Variants in CAMK2D observed in about 807,000 individuals in gnomAD.
The protein encoded by CAMK2D is calcium/calmodulin dependent protein kinase II delta.
CAMK2D carries 37 observed loss-of-function variants against 84.0 expected under a neutral mutation model. The observed-to-expected ratio is 0.44, with a 90% CI of 0.34 to 0.58. The LOEUF is 0.58. Among genes scored for constraint, CAMK2D ranks in the 20% least tolerant of loss-of-function variants. The probability of loss-of-function intolerance (pLI) is 0.02; values close to 1 mark genes in which losing one functional copy is unlikely to be tolerated. For missense variants in CAMK2D, 448 were observed against 652.5 expected (o/e 0.69, Z 3.41); for synonymous variants, 202 against 212.5 (o/e 0.95, Z 0.43).
chr4:113,660,856 C>T (rs996921151), intron 3 of CAMK2D, among the ~76,000 whole-genome samples: 4 of 146,544 alleles, frequency 2.7e-5, no homozygotes, highest in African/African-American at 1.0e-4. Context: ...AGTGCAGTGG[C>T]GCAATCTCAG....
At chr4:113,673,451 T>C (rs950635722) in intron 2 of CAMK2D, among the ~76,000 whole-genome samples, 20 of 152,162 alleles carry the variant, frequency 1.3e-4, no homozygotes, top group Non-Finnish European at 2.9e-5. Flanking sequence ...CAAGGCAATG[T>C]AATCCCAAAA....
intron 2 of CAMK2D, among the ~76,000 whole-genome samples, chr4:113,751,531 G>T (rs765626392): frequency 6.6e-6 from 1 of 152,048 alleles, no homozygotes; most frequent in African/African-American, 2.4e-5. Context: ...CAGCACTTTG[G>T]AAGGCCTAAG....
intron 16 of CAMK2D, among the ~76,000 whole-genome samples, chr4:113,484,334 C>T (rs934463723): frequency 6.6e-6 from 1 of 152,158 alleles, no homozygotes. Context: ...CTATCTCTCT[C>T]TAAGAATGAG....
chr4:113,575,838 C>A (rs1008249300), intron 4 of CAMK2D, among the ~76,000 whole-genome samples: 1 of 152,050 alleles, frequency 6.6e-6, no homozygotes, highest in Admixed American at 6.6e-5. Context: ...GAATAAAGTG[C>A]ATGAGCCTCA....
intron 4 of CAMK2D, among the ~76,000 whole-genome samples, chr4:113,568,956 G>A (rs746533774): frequency 6.6e-6 from 1 of 151,870 alleles, no homozygotes; most frequent in Non-Finnish European, 1.5e-5. Flanking sequence ...TTGTTGTTAA[G>A]TTACAGAAGT....
intron 4 of CAMK2D, among the ~76,000 whole-genome samples, chr4:113,555,838 G>A (rs890771008): frequency 6.6e-5 from 10 of 152,128 alleles, no homozygotes; most frequent in African/African-American, 2.2e-4. Context: ...ATTAGGAGGT[G>A]GGGCCTGTGG....
chr4:113,547,732 AG>A lies in CAMK2D; in HGVS notation c.342-17del. The A allele has an allele frequency of 1.3e-6, 2 of 1,524,946 alleles. No homozygotes were observed. The highest frequency in any genetic ancestry group is 1.8e-6 in the Non-Finnish European group (2 of 1,134,952). 94.5% of individuals were successfully genotyped at this position (1,524,946 alleles called of 1,614,324 possible). On this transcript the variant is annotated splice_polypyrimidine_tract_variant and intron_variant, in intron 5 of 20. Transcript: ENST00000511664. ...AATGCAATGACTGCATGCAAACACC[AG>A]GGGGCGTGTGTTAGTTCCAAGCTTA...
chr4:113,724,589 T>A (rs1303539596), intron 2 of CAMK2D, among the ~76,000 whole-genome samples: 1 of 151,848 alleles, frequency 6.6e-6, no homozygotes, highest in Non-Finnish European at 1.5e-5. Context: ...AGCCTCCCAA[T>A]CTCTTGGATT....
intron 3 of CAMK2D, among the ~76,000 whole-genome samples, chr4:113,616,876 A>C (rs559872572): frequency 1.3e-5 from 2 of 152,294 alleles, no homozygotes; most frequent in African/African-American, 4.8e-5. Context: ...ATAATTTGAG[A>C]TTATCCTGTT....
chr4:113,481,797 A>C (rs2097704464), intron 16 of CAMK2D, among the ~76,000 whole-genome samples: 1 of 152,240 alleles, frequency 6.6e-6, no homozygotes, highest in Non-Finnish European at 1.5e-5. Flanking sequence ...GTAATTTAAA[A>C]TAAGGTAGTA....
intron 3 of CAMK2D, among the ~76,000 whole-genome samples, chr4:113,654,738 T>C (rs191184190): frequency 1.3e-5 from 2 of 152,136 alleles, no homozygotes; most frequent in Admixed American, 6.6e-5. Flanking sequence ...ACAAATCATA[T>C]ACATTTGGAA....
chr4:113,509,348 T>C (rs981976318), intron 13 of CAMK2D, among the ~76,000 whole-genome samples: 1 of 152,208 alleles, frequency 6.6e-6, no homozygotes, highest in Non-Finnish European at 1.5e-5. Flanking sequence ...GGAACTGTAG[T>C]AAATCAGAGA....
chr4:113,493,444 T>C (rs1310157622), intron 16 of CAMK2D, among the ~76,000 whole-genome samples: 1 of 152,124 alleles, frequency 6.6e-6, no homozygotes, highest in African/African-American at 2.4e-5. Context: ...TGAAAATTCT[T>C]TTCTTTAAGA....
chr4:113,750,698 T>C (rs1480053205), intron 2 of CAMK2D, among the ~76,000 whole-genome samples: 1 of 152,158 alleles, frequency 6.6e-6, no homozygotes. Flanking sequence ...CAAACCCATT[T>C]AGGAGGCTAT....
At chr4:113,722,747 C>T (rs140200387) in intron 2 of CAMK2D, among the ~76,000 whole-genome samples, 2 of 152,236 alleles carry the variant, frequency 1.3e-5, no homozygotes, top group African/African-American at 4.8e-5. Context: ...AGAGTTGAAA[C>T]CTAGACTCTA....
At chr4:113,504,245 A>G (rs965824961) in intron 14 of CAMK2D, among the ~76,000 whole-genome samples, 2 of 152,228 alleles carry the variant, frequency 1.3e-5, no homozygotes, top group Admixed American at 6.5e-5. Flanking sequence ...ACTGAATGAC[A>G]GTATTCAAAT....
At position 113,664,805 on chromosome 4, in the gene CAMK2D, A is replaced by ATTTT. The variant is rs201297299; in HGVS notation, c.161-3037_161-3034dup. On this transcript the variant is annotated intron_variant, in intron 2 of 20. Coordinates refer to ENST00000511664, the MANE Select transcript of CAMK2D (RefSeq NM_001321571.2). ...TCTTAGAATTTGTCTGCCACAGTAGATTTTTTTTTTTTTTTGAGACAGAGT... is the reference window on the plus strand; with the variant it reads ...TCTTAGAATTTGTCTGCCACAGTAGATTTTTTTTTTTTTTTTTTTGAGACAGAGT... Among the ~76,000 whole-genome samples the ATTTT allele has an allele frequency of 4.1e-5, 6 of 145,432 alleles. No homozygotes were observed. The East Asian group carries it at 8.0e-4, about 19-fold the overall frequency.
intron 12 of CAMK2D, 79 bp from the exon 13 acceptor site, chr4:113,509,754 G>A (rs2098185039): frequency 3.0e-6 from 3 of 1,006,982 alleles, no homozygotes; most frequent in Non-Finnish European, 4.7e-6. Flanking sequence ...TCAGGTTATT[G>A]TCTCCTTCTA....
At chr4:113,546,896 A>T (rs918300285) in intron 6 of CAMK2D, among the ~76,000 whole-genome samples, 6 of 152,164 alleles carry the variant, frequency 3.9e-5, no homozygotes, top group African/African-American at 1.4e-4. Flanking sequence ...TTTCTAAATG[A>T]TCTAAAAATT....
Sources: gnomAD v4.1 joint callset for allele counts (sites outside exome capture counted in the v4.1 genomes callset) on GRCh38, gnomAD v4.1.1 for gene constraint, MANE v1.5 for transcripts, NCBI Gene and HGNC (gene_info 2026-07-23, HGNC 2026-07-21) for gene names.